ADGRB3: variants seen among roughly 807,000 people sequenced by gnomAD.
The protein encoded by ADGRB3 is adhesion G protein-coupled receptor B3.
Under a neutral mutation model 193.4 loss-of-function variants are expected in ADGRB3, and 37 were observed. The ratio of observed to expected loss-of-function variants is 0.19; its 90% CI spans 0.15 to 0.25. ADGRB3 has a LOEUF of 0.25. ADGRB3 is among the 10% of genes least tolerant of loss of function. The probability of loss-of-function intolerance (pLI) is 1.00; values close to 1 mark genes in which losing one functional copy is unlikely to be tolerated. For synonymous variants in ADGRB3, 690 were observed against 644.2 expected, an observed-to-expected ratio of 1.07 and a Z score of -1.08; for missense variants, 1,637 against 1,852.9, an observed-to-expected ratio of 0.88 and a Z score of 2.14.
At chr6:69,194,252 A>G (rs889669600) in intron 17 of ADGRB3, among the ~76,000 whole-genome samples, 2 of 152,286 alleles carry the variant, frequency 1.3e-5, no homozygotes, top group South Asian at 2.1e-4. Flanking sequence ...TAGACTGGAA[A>G]TGAGAGCGTG....
At chr6:69,318,507 G>C (rs1768367564) in intron 20 of ADGRB3, among the ~76,000 whole-genome samples, 1 of 151,146 alleles carries the variant, frequency 6.6e-6, no homozygotes, top group South Asian at 2.1e-4. Context: ...ATTTATGTTT[G>C]TAAGTGGAAG....
intron 17 of ADGRB3, among the ~76,000 whole-genome samples, chr6:69,183,848 C>T (rs1041573657): frequency 4.6e-5 from 7 of 151,982 alleles, no homozygotes; most frequent in Admixed American, 1.3e-4. Flanking sequence ...GAAAACACTC[C>T]AGTATCATGC....
At chr6:68,839,174 G>A (rs1043358612) in intron 3 of ADGRB3, among the ~76,000 whole-genome samples, 16 of 151,766 alleles carry the variant, frequency 1.1e-4, no homozygotes, top group African/African-American at 3.6e-4. Flanking sequence ...TTAGAAATGT[G>A]GTCCTCATTG....
intron 3 of ADGRB3, among the ~76,000 whole-genome samples, chr6:68,875,150 C>CTCCTTCCTTCCTTCCTTCCT (rs201497712): frequency 5.7e-4 from 14 of 24,482 alleles, no homozygotes; most frequent in East Asian, 1.5e-3. Flanking sequence ...TCATTTCTTT[C>CTCCTTCCTTCCTTCCTTCCT]TCCTTCCTTC....
intron 3 of ADGRB3, among the ~76,000 whole-genome samples, chr6:68,874,598 T>C (rs936691733): frequency 6.6e-6 from 1 of 152,170 alleles, no homozygotes; most frequent in African/African-American, 2.4e-5. Flanking sequence ...TTTGAAAATC[T>C]TATTTATATA....
At position 69,048,353 on chromosome 6, in the gene ADGRB3, A is replaced by G. The variant is rs1562137046; in HGVS notation, c.2257+19A>G. 1.2e-6 allele frequency: 2 copies of G among 1,608,014 alleles called. No homozygotes were observed. The highest frequency in any genetic ancestry group is 1.7e-6 in the Non-Finnish European group (2 of 1,176,776). The stretch of plus-strand genomic sequence containing the variant: ...TCAAAAGGTAAATATCTGAAATAAT[A>G]TGAGCTTGAACAAGACATTTTTGAT... On this transcript the variant is annotated intron_variant, in intron 14 of 31. Transcript: ENST00000370598.
Position 68,900,418 on chromosome 6 carries a change from C to A in ADGRB3, c.758-30141C>A, listed in dbSNP as rs372089981. On this transcript the variant is annotated intron_variant, in intron 3 of 31. Coordinates refer to ENST00000370598, the MANE Select transcript of ADGRB3 (RefSeq NM_001704.3). ...ATAGGGAACATGACAGGGAAAGTAG[C>A]CACAAGGAGGCCTGGGGAAAAGATA... Among the ~76,000 whole-genome samples the A allele has an allele frequency of 2.2e-4, 33 of 152,166 alleles. 1 individual carries two copies. In the East Asian group the frequency reaches 4.8e-3, roughly 22 times the overall value.
At chr6:69,195,757 T>G (rs1280737439) in intron 17 of ADGRB3, among the ~76,000 whole-genome samples, 1 of 152,136 alleles carries the variant, frequency 6.6e-6, no homozygotes, top group Non-Finnish European at 1.5e-5. Context: ...CTGAACAAAG[T>G]CCTGGTGGAA....
At chr6:69,023,987 G>A (rs1018946525) in intron 13 of ADGRB3, among the ~76,000 whole-genome samples, 1 of 151,916 alleles carries the variant, frequency 6.6e-6, no homozygotes, top group African/African-American at 2.4e-5. Flanking sequence ...TAGCCCCCAA[G>A]TGAAAAAAAT....
At chr6:69,014,361 TA>T (rs1312814027) in intron 12 of ADGRB3, among the ~76,000 whole-genome samples, 2 of 151,680 alleles carry the variant, frequency 1.3e-5, no homozygotes, top group African/African-American at 4.8e-5. Flanking sequence ...ATTATATACC[TA>T]ACCAATAAGT....
intron 3 of ADGRB3, among the ~76,000 whole-genome samples, chr6:68,911,908 C>A (rs1766723966): frequency 7.0e-6 from 1 of 143,114 alleles, no homozygotes. Context: ...GGAAGGATAT[C>A]TTTTGAGACT....
chr6:68,683,611 T>G (rs1764934282), intron 3 of ADGRB3, among the ~76,000 whole-genome samples: 1 of 152,140 alleles, frequency 6.6e-6, no homozygotes, highest in African/African-American at 2.4e-5. Context: ...TGAAGAATAT[T>G]TGATGGGCCA....
At chr6:69,099,808 A>C (rs928930679) in intron 17 of ADGRB3, among the ~76,000 whole-genome samples, 2 of 152,194 alleles carry the variant, frequency 1.3e-5, no homozygotes, top group African/African-American at 4.8e-5. Flanking sequence ...GATTACATTT[A>C]ATCATTCCTC....
chr6:68,914,966 A>C (rs533729271), intron 3 of ADGRB3, among the ~76,000 whole-genome samples: 2 of 152,276 alleles, frequency 1.3e-5, no homozygotes, highest in South Asian at 2.1e-4. Context: ...GATTATAAAA[A>C]CCCAGAGCAT....
chr6:68,846,833 G>A (rs953285754), intron 3 of ADGRB3, among the ~76,000 whole-genome samples: 3 of 152,216 alleles, frequency 2.0e-5, no homozygotes, highest in Non-Finnish European at 4.4e-5. Context: ...CTGGGGCACT[G>A]CCTAGTGGAG....
chr6:69,163,479 A>G (rs1775050378), intron 17 of ADGRB3, among the ~76,000 whole-genome samples: 1 of 152,126 alleles, frequency 6.6e-6, no homozygotes, highest in Non-Finnish European at 1.5e-5. Flanking sequence ...AAAAACCTTC[A>G]AGTAAAGCCA....
chr6:69,346,863 G>A (rs531065736), intron 26 of ADGRB3, among the ~76,000 whole-genome samples: 14 of 152,126 alleles, frequency 9.2e-5, no homozygotes, highest in East Asian at 3.9e-4. Context: ...GGTACATACC[G>A]AAAGGATTAT....
intron 20 of ADGRB3, among the ~76,000 whole-genome samples, chr6:69,290,585 T>G (rs1233908598): frequency 6.6e-6 from 1 of 152,222 alleles, no homozygotes; most frequent in Non-Finnish European, 1.5e-5. Flanking sequence ...AGTATATGAC[T>G]AAGCCTCCTT....
In ADGRB3 at chr6:69,389,505, C is replaced by T. The variant is rs1372600990; in HGVS notation, c.*614C>T. ...TATGGTGTAAATAAACTTTTGTCTACATATCAGTTTTTTAGTGCATTTTAT... is the reference window on the plus strand; with the variant it reads ...TATGGTGTAAATAAACTTTTGTCTATATATCAGTTTTTTAGTGCATTTTAT... On this transcript the variant is annotated 3_prime_UTR_variant, in exon 32 of 32. Transcript: ENST00000370598. 6.6e-6 allele frequency: 1 copy of T among 152,438 alleles called. No individual in the cohort carries two copies. Among genetic ancestry groups the T allele is most frequent in the Non-Finnish European group, 1.5e-5 (1 of 67,998 alleles). The allele number at this position is 152,438 out of a possible 1,614,324, so 9.4% of individuals were successfully genotyped here.
Sources: gnomAD v4.1 joint callset for allele counts (sites outside exome capture counted in the v4.1 genomes callset) on GRCh38, gnomAD v4.1.1 for gene constraint, MANE v1.5 for transcripts, NCBI Gene and HGNC (gene_info 2026-07-23, HGNC 2026-07-21) for gene names.